PARP8: variants seen among roughly 807,000 people sequenced by gnomAD.
PARP8 encodes the protein protein mono-ADP-ribosyltransferase PARP8.
In PARP8, 51 loss-of-function variants were observed where a neutral mutation model predicts 124.1. That is an observed-to-expected ratio of 0.41 (90% CI 0.33 to 0.52). PARP8 has a LOEUF of 0.52. Among genes scored for constraint, PARP8 ranks in the 20% least tolerant of loss-of-function variants. The probability of loss-of-function intolerance (pLI) is 0.21; values close to 1 mark genes in which losing one functional copy is unlikely to be tolerated. For synonymous variants in PARP8, 391 were observed against 361.5 expected, an observed-to-expected ratio of 1.08 and a Z score of -0.93; for missense variants, 860 against 1,018.9, an observed-to-expected ratio of 0.84 and a Z score of 2.12.
At chr5:50,793,982 T>C (rs781540564) in intron 10 of PARP8, among the ~76,000 whole-genome samples, 27 of 152,118 alleles carry the variant, frequency 1.8e-4, no homozygotes, top group Admixed American at 1.3e-3. Context: ...TAAATAGTAA[T>C]CATTATCATT....
In PARP8 at chr5:50,800,054, C is replaced by G. The variant is rs192995048; in HGVS notation, c.1575+2821C>G. 1.4e-4 allele frequency among the ~76,000 whole-genome samples: 22 copies of G among 152,320 alleles called. 1 individual carries two copies. Among genetic ancestry groups the G allele is most frequent in the African/African-American group, 5.0e-4 (21 of 41,592 alleles). On this transcript the variant is annotated intron_variant, in intron 14 of 25. Transcript: ENST00000281631. ...CAAGACATCATCTTAACAATATTAA[C>G]CTTTCCAATTCATGTACACCAGATC... is the stretch of plus-strand genomic sequence containing the variant.
chr5:50,780,411 T>C (rs72756135), intron 9 of PARP8, among the ~76,000 whole-genome samples: 123 of 152,316 alleles, frequency 8.1e-4, no homozygotes, highest in Non-Finnish European at 1.4e-3. Flanking sequence ...GGTTAATCTC[T>C]ACTCACCCAA....
Position 50,843,406 on chromosome 5 carries a change from G to C in PARP8, c.*1338G>C, listed in dbSNP as rs75047322. 6.6e-6 allele frequency: 1 copy of C among 151,708 alleles called. No individual in the cohort carries two copies. The highest frequency in any genetic ancestry group is 1.5e-5 in the Non-Finnish European group (1 of 67,824). 9.4% of individuals were successfully genotyped at this position (151,708 alleles called of 1,614,324 possible). A position where few individuals can be genotyped will look rare whatever the true frequency, so the allele number is the denominator to read the frequency against. On this transcript the variant is annotated 3_prime_UTR_variant, in exon 26 of 26. Transcript: ENST00000281631. The stretch of plus-strand genomic sequence containing the variant: ...AATAAAAATGTATAGTCATTTGCAA[G>C]TATAATGTGATAACTGCTGTGTTTA...
At position 50,797,050 on chromosome 5, in the gene PARP8, A is replaced by C. The variant is rs1396931217; in HGVS notation, c.1479+18A>C. The C allele has an allele frequency of 6.2e-7, 1 of 1,612,530 alleles. No homozygotes were observed. The highest frequency in any genetic ancestry group is 8.5e-7 in the Non-Finnish European group (1 of 1,178,936). On this transcript the variant is annotated intron_variant, in intron 13 of 25. Coordinates refer to ENST00000281631, the MANE Select transcript of PARP8 (RefSeq NM_024615.4). Reference sequence around the variant, plus strand: ...TGGTGCAGGTATGAGCCAAAACTCTATCCATTGTACAAATATTTTAGTTCT... The same window carrying C: ...TGGTGCAGGTATGAGCCAAAACTCTCTCCATTGTACAAATATTTTAGTTCT...
intron 2 of PARP8, among the ~76,000 whole-genome samples, chr5:50,748,773 G>C (rs1269890250): frequency 3.9e-5 from 6 of 151,994 alleles, no homozygotes; most frequent in Middle Eastern, 3.4e-3. Context: ...CCTTACATTT[G>C]GTTTTCAGCA....
intron 2 of PARP8, among the ~76,000 whole-genome samples, chr5:50,685,436 A>T (rs914584065): frequency 2.6e-5 from 4 of 152,184 alleles, no homozygotes; most frequent in Non-Finnish European, 5.9e-5. Flanking sequence ...CAACTCCTGC[A>T]GTTCTTCCTT....
intron 6 of PARP8, 79 bp downstream of exon 6, chr5:50,761,977 G>A: frequency 1.2e-6 from 1 of 824,454 alleles, no homozygotes; most frequent in Non-Finnish European, 2.0e-6. Context: ...CTGTGCCTGA[G>A]AGTTAAGGGA....
intron 2 of PARP8, among the ~76,000 whole-genome samples, chr5:50,745,353 C>T (rs1038018780): frequency 6.6e-6 from 1 of 152,070 alleles, no homozygotes; most frequent in Admixed American, 6.6e-5. Context: ...ATTTTAATTG[C>T]TTGTATTGGA....
At chr5:50,758,791 A>G (rs1042785316) in intron 3 of PARP8, among the ~76,000 whole-genome samples, 5 of 152,210 alleles carry the variant, frequency 3.3e-5, no homozygotes, top group African/African-American at 1.2e-4. Context: ...GAATTGTATT[A>G]CCATATACTT....
At chr5:50,760,248 A>G in intron 4 of PARP8, 44 bp from the exon 5 acceptor site, 2 of 1,388,218 alleles carry the variant, frequency 1.4e-6, no homozygotes, top group South Asian at 1.4e-5. Flanking sequence ...GGTAAATAGC[A>G]TACTAAGTAT....
intron 1 of PARP8, chr5:50,667,531 G>A: frequency 2.9e-6 from 2 of 700,134 alleles, no homozygotes; most frequent in Non-Finnish European, 2.6e-6. Context: ...CGGCGGCAGA[G>A]CGGGGTTGGT....
intron 2 of PARP8, among the ~76,000 whole-genome samples, chr5:50,722,298 T>TA (rs1455822942): frequency 5.3e-5 from 8 of 152,240 alleles, no homozygotes; most frequent in African/African-American, 1.9e-4. Context: ...CATTTTATAA[T>TA]AAGCCAAATG....
At chr5:50,830,931 G>A (rs1283613995) in intron 22 of PARP8, among the ~76,000 whole-genome samples, 1 of 151,910 alleles carries the variant, frequency 6.6e-6, no homozygotes, top group African/African-American at 2.4e-5. Flanking sequence ...CATGTTATAG[G>A]AAAGGATATT....
intron 2 of PARP8, among the ~76,000 whole-genome samples, chr5:50,712,011 A>G (rs919023793): frequency 2.6e-5 from 4 of 152,168 alleles, no homozygotes; most frequent in Non-Finnish European, 5.9e-5. Flanking sequence ...TGCATCCTGA[A>G]GGACCTCATT....
chr5:50,808,201 G>A (rs1031736879), intron 14 of PARP8, among the ~76,000 whole-genome samples: 28 of 151,840 alleles, frequency 1.8e-4, no homozygotes, highest in Non-Finnish European at 2.2e-4. Context: ...TCAAAAATGC[G>A]TCTGTGACCC....
At chr5:50,686,551 G>T (rs1228790618) in intron 2 of PARP8, among the ~76,000 whole-genome samples, 1 of 152,222 alleles carries the variant, frequency 6.6e-6, no homozygotes, top group Non-Finnish European at 1.5e-5. Flanking sequence ...CCCCAGTAAG[G>T]ACTCTGTGTG....
chr5:50,750,184 C>T lies in PARP8; in HGVS notation c.180C>T (p.Tyr60=), dbSNP rs1759079324. Residue 60 remains tyrosine (Y), a synonymous_variant, in exon 3 of 26, where the codon TAC becomes TAT. Transcript: ENST00000281631. ...ACTCAGTACATGTATCTGAAGATTACCCAGGTATGCTTTTCTTGTTTTATT... is the reference window on the plus strand; with the variant it reads ...ACTCAGTACATGTATCTGAAGATTATCCAGGTATGCTTTTCTTGTTTTATT... The part of the protein sequence containing the change: ...VSYSVHVSED[Y]PDNTYVSSSE... 4 of 1,587,338 alleles carry T rather than the reference C, an allele frequency of 2.5e-6. No individual in the cohort carries two copies. The highest frequency in any genetic ancestry group is 1.7e-5 in the Admixed American group (1 of 59,532).
chr5:50,768,816 T>A (rs1408549944), intron 7 of PARP8, among the ~76,000 whole-genome samples: 1 of 152,196 alleles, frequency 6.6e-6, no homozygotes, highest in East Asian at 1.9e-4. Context: ...GTAATCACGC[T>A]TTGTAATCTC....
intron 3 of PARP8, among the ~76,000 whole-genome samples, chr5:50,756,182 C>T (rs935003707): frequency 1.6e-4 from 24 of 152,028 alleles, no homozygotes; most frequent in African/African-American, 5.5e-4. Flanking sequence ...TTTCTTTCTC[C>T]TGCTTGATTG....
Sources: allele counts gnomAD v4.1 joint callset (sites outside exome capture counted in the v4.1 genomes callset), GRCh38; gene constraint gnomAD v4.1.1; transcripts MANE v1.5; gene names NCBI Gene and HGNC (gene_info 2026-07-23, HGNC 2026-07-21).